The following BCAM variants were observed in gnomAD, a reference collection of about 807,000 sequenced individuals.
BCAM encodes the protein basal cell adhesion molecule (Lutheran blood group).
Under a neutral mutation model 72.4 loss-of-function variants are expected in BCAM, and 61 were observed. The ratio of observed to expected loss-of-function variants is 0.84; its 90% CI spans 0.69 to 1.04. BCAM has a LOEUF of 1.04. BCAM is among the 50% of genes least tolerant of loss of function. The probability of loss-of-function intolerance (pLI) is 0.00; values close to 1 mark genes in which losing one functional copy is unlikely to be tolerated. For synonymous variants in BCAM, 408 were observed against 384.2 expected, an observed-to-expected ratio of 1.06 and a Z score of -0.73; for missense variants, 909 against 895.0, an observed-to-expected ratio of 1.02 and a Z score of -0.20.
chr19:44,813,730 C>T lies in BCAM; in HGVS notation c.784+110C>T. 3 of 1,410,900 alleles carry T rather than the reference C, an allele frequency of 2.1e-6. No individual in the cohort carries two copies. Among genetic ancestry groups the T allele is most frequent in the Non-Finnish European group, 2.8e-6 (3 of 1,054,834 alleles). The allele number at this position is 1,410,900 out of a possible 1,614,324, so 87.4% of individuals were successfully genotyped here. A position where few individuals can be genotyped will look rare whatever the true frequency, so the allele number is the denominator to read the frequency against. On this transcript the variant is annotated intron_variant, in intron 6 of 14. Transcript: ENST00000270233. The surrounding 1 kb of genome is among the most constrained non-coding windows in gnomAD (Gnocchi z 4.2). The stretch of plus-strand genomic sequence containing the variant: ...CCTCTGACCCTCTGCCTCCCTACTT[C>T]ATGCTAAAAAAAAATGTGCTAGTGC...
chr19:44,809,717 A>G (rs1478473972), intron 1 of BCAM, among the ~76,000 whole-genome samples: 1 of 152,124 alleles, frequency 6.6e-6, no homozygotes, highest in Non-Finnish European at 1.5e-5. Flanking sequence ...AGTCCAGTAT[A>G]AAGAACCCGC....
rs534372821 is a variant in BCAM at position 44,820,990 on chromosome 19, G to A, written c.*69G>A. On this transcript the variant is annotated 3_prime_UTR_variant, in exon 15 of 15. Coordinates refer to ENST00000270233, the MANE Select transcript of BCAM (RefSeq NM_005581.5). ...GCATCAGAGAACCAGCCCTGCTCAC[G>A]CCATGCCCGCCCCCGCCTTCCCTCT... The A allele has an allele frequency of 1.8e-5, 27 of 1,465,906 alleles. No individual in the cohort carries two copies. The highest frequency in any genetic ancestry group is 5.1e-5 in the Admixed American group (2 of 39,368). The allele number at this position is 1,465,906 out of a possible 1,614,324, so 90.8% of individuals were successfully genotyped here.
chr19:44,811,456 G>C, intron 2 of BCAM, 110 bp downstream of exon 2: 2 of 1,544,002 alleles, frequency 1.3e-6, no homozygotes, highest in Non-Finnish European at 1.8e-6. Flanking sequence ...CACACTCCTT[G>C]TTACAGATGG....
chr19:44,819,003 TTCTCTC>T, intron 10 of BCAM, 47 bp from the exon 11 acceptor site: 7 of 1,597,364 alleles, frequency 4.4e-6, no homozygotes, highest in Non-Finnish European at 6.0e-6. Context: ...GATGCCTCTC[TTCTCTC>T]TCTCTCTCCT....
At chr19:44,811,144 G>C in intron 1 of BCAM, 81 bp from the exon 2 acceptor site, 1 of 1,599,520 alleles carries the variant, frequency 6.3e-7, no homozygotes, top group Non-Finnish European at 8.5e-7. Context: ...CTGGACGCTT[G>C]TGTCCTGGGG....
chr19:44,813,654 A>G lies in BCAM; in HGVS notation c.784+34A>G, dbSNP rs1442920036. On this transcript the variant is annotated intron_variant, in intron 6 of 14. Coordinates refer to ENST00000270233, the MANE Select transcript of BCAM (RefSeq NM_005581.5). The surrounding 1 kb of genome is among the most constrained non-coding windows in gnomAD (Gnocchi z 4.2). ...GTGCTGGCCTTTGACCTCTGACCTC[A>G]GGCTCCACACCTCATGAGGCCTGAC... The G allele has an allele frequency of 1.3e-6, 2 of 1,598,698 alleles. No individual in the cohort carries two copies. Among genetic ancestry groups the G allele is most frequent in the African/African-American group, 1.3e-5 (1 of 74,786 alleles).
rs1408804373 is a variant in BCAM at position 44,814,039 on chromosome 19, T to A, written c.785-113T>A. On this transcript the variant is annotated intron_variant, in intron 6 of 14. Transcript: ENST00000270233. This position sits in a 1 kb window ranked among gnomAD's most constrained non-coding sequence, Gnocchi z 4.6. ...CCTGAGGCTTGAAACCTATGACCCGTAACCTTTGACCCGCCATAGCCCTCA... is the reference window on the plus strand; with the variant it reads ...CCTGAGGCTTGAAACCTATGACCCGAAACCTTTGACCCGCCATAGCCCTCA... 7.4e-7 allele frequency: 1 copy of A among 1,342,892 alleles called. No homozygotes were observed. The highest frequency in any genetic ancestry group is 2.4e-5 in the East Asian group (1 of 41,404). The allele number at this position is 1,342,892 out of a possible 1,614,324, so 83.2% of individuals were successfully genotyped here.
rs1207051227 is a variant in BCAM at position 44,812,949 on chromosome 19, CAAAAA to C, written c.505-288_505-284del. 171 of 195,818 alleles carry C rather than the reference CAAAAA, an allele frequency of 8.7e-4. No individual in the cohort carries two copies. Among genetic ancestry groups the C allele is most frequent in the Middle Eastern group, 1.4e-3 (1 of 710 alleles). 12.1% of individuals were successfully genotyped at this position (195,818 alleles called of 1,614,324 possible). A position where few individuals can be genotyped will look rare whatever the true frequency, so the allele number is the denominator to read the frequency against. On this transcript the variant is annotated intron_variant, in intron 4 of 14. Coordinates refer to ENST00000270233, the MANE Select transcript of BCAM (RefSeq NM_005581.5). The surrounding 1 kb of genome is among the most constrained non-coding windows in gnomAD (Gnocchi z 5.3). ...TGGGCCACAGAGCAATACTCCGTCT[CAAAAA>C]AAAAAAAAAAAAGAAGAAGAAAAGA...
In BCAM at chr19:44,819,422, G is replaced by T. The variant is rs539905238; in HGVS notation, c.1550G>T (p.Arg517Leu). The change falls in exon 12 of 15, where the codon CGC becomes CTC. Residue 517 changes from arginine (R) to leucine (L), a missense_variant. Arg to Leu is a moderately radical substitution (Grantham distance 102). Coordinates refer to ENST00000270233, the MANE Select transcript of BCAM (RefSeq NM_005581.5). ...CTGAAAGTGACCAGCGCCCTGAGCC[G>T]CGATGGCATCTCCTGTGAAGCCTCC... Reference protein sequence around the residue: ...LTLKVTSALSRDGISCEASNP... With the variant: ...LTLKVTSALSLDGISCEASNP... The T allele has an allele frequency of 3.8e-5, 62 of 1,613,952 alleles. No individual in the cohort carries two copies. The highest frequency in any genetic ancestry group is 1.6e-4 in the Middle Eastern group (1 of 6,080).
chr19:44,821,341 G>A lies in BCAM; in HGVS notation c.*420G>A, dbSNP rs1389654609. On this transcript the variant is annotated 3_prime_UTR_variant, in exon 15 of 15. Coordinates refer to ENST00000270233, the MANE Select transcript of BCAM (RefSeq NM_005581.5). ...TCACCCCGCCCCTGGTCCCACTCCT[G>A]CCCCCGCCCTACCTCCGCCCCACCC... 5.2e-5 allele frequency: 5 copies of A among 95,704 alleles called. No homozygotes were observed. The East Asian group carries it at 1.1e-3, about 21-fold the overall frequency. The allele number at this position is 95,704 out of a possible 1,614,324, so 5.9% of individuals were successfully genotyped here. A position where few individuals can be genotyped will look rare whatever the true frequency, so the allele number is the denominator to read the frequency against.
chr19:44,811,963 T>C lies in BCAM; in HGVS notation c.205-200T>C, dbSNP rs1486519373. The stretch of plus-strand genomic sequence containing the variant: ...GAGAAGGGATGGGACCGGAATGAGA[T>C]GGAGAAAAGGAGACAGGAAAAATCA... On this transcript the variant is annotated intron_variant, in intron 2 of 14. Coordinates refer to ENST00000270233, the MANE Select transcript of BCAM (RefSeq NM_005581.5). 1.1e-4 allele frequency: 64 copies of C among 600,060 alleles called. 1 individual carries two copies. The South Asian group carries it at 1.2e-3, about 12-fold the overall frequency. 37.2% of individuals were successfully genotyped at this position (600,060 alleles called of 1,614,324 possible).
rs374346353 is a variant in BCAM, at chr19:44,820,686, C to T, written c.1764-19C>T. ...GCACCTCCAACACGACGCCTCCGCC[C>T]GCTGCCTCCTCCCCCCAGGCCGCCA... On this transcript the variant is annotated intron_variant, in intron 13 of 14. Coordinates refer to ENST00000270233, the MANE Select transcript of BCAM (RefSeq NM_005581.5). The T allele has an allele frequency of 7.1e-5, 99 of 1,403,466 alleles. 2 individuals are homozygous for T. The highest frequency in any genetic ancestry group is 5.2e-4 in the Admixed American group (17 of 32,410). 86.9% of individuals were successfully genotyped at this position (1,403,466 alleles called of 1,614,324 possible).
rs765776738 is a variant in BCAM, at chr19:44,809,249, C to T, written c.82+43C>T. ...GGCAAGGTGGGACTGGGGAGAGGCC[C>T]CTGGGGACCCCGGGAAAGCGAGGAG... On this transcript the variant is annotated intron_variant, in intron 1 of 14. Transcript: ENST00000270233. 5.9e-6 allele frequency: 8 copies of T among 1,365,256 alleles called. No individual in the cohort carries two copies. The South Asian group carries it at 8.1e-5, about 14-fold the overall frequency. 84.6% of individuals were successfully genotyped at this position (1,365,256 alleles called of 1,614,324 possible).
chr19:44,814,089 G>A lies in BCAM; in HGVS notation c.785-63G>A, dbSNP rs764038497. 3.2e-5 allele frequency: 49 copies of A among 1,511,814 alleles called. No individual in the cohort carries two copies. Among genetic ancestry groups the A allele is most frequent in the Non-Finnish European group, 3.9e-5 (44 of 1,137,386 alleles). 93.6% of individuals were successfully genotyped at this position (1,511,814 alleles called of 1,614,324 possible). A position where few individuals can be genotyped will look rare whatever the true frequency, so the allele number is the denominator to read the frequency against. On this transcript the variant is annotated intron_variant, in intron 6 of 14. Coordinates refer to ENST00000270233, the MANE Select transcript of BCAM (RefSeq NM_005581.5). The surrounding 1 kb of genome is among the most constrained non-coding windows in gnomAD (Gnocchi z 4.6). ...ACCTGGGATGCAGGGCTGACCTCTC[G>A]CCTGTCCTCTAGCCTTGACCCTTCC...
At chr19:44,811,713 C>T (rs192327026) in intron 2 of BCAM, 19 of 288,238 alleles carry the variant, frequency 6.6e-5, no homozygotes, top group Admixed American at 6.5e-4. Flanking sequence ...GGTGAAACCC[C>T]GTCTCTACTA....
rs1179504856 is a variant in BCAM at position 44,813,000 on chromosome 19, G to C, written c.505-250G>C. 1 of 521,874 alleles carries C rather than the reference G, an allele frequency of 1.9e-6. No individual in the cohort carries two copies. Among genetic ancestry groups the C allele is most frequent in the African/African-American group, 2.0e-5 (1 of 50,724 alleles). 32.3% of individuals were successfully genotyped at this position (521,874 alleles called of 1,614,324 possible). ...AAAGAAAAAAGAAAGGAAGGGCAGA[G>C]GGGGAAGACTCCTGTGTCCTAGGAA... is the stretch of plus-strand genomic sequence containing the variant. On this transcript the variant is annotated intron_variant, in intron 4 of 14. Transcript: ENST00000270233. The surrounding 1 kb of genome is among the most constrained non-coding windows in gnomAD (Gnocchi z 5.3).
rs576113294 is a variant in BCAM, at chr19:44,819,652, C to T, written c.1689C>T (p.Leu563=). The change falls in exon 13 of 15, where the codon CTC becomes CTT. Residue 563 remains leucine (L), a synonymous_variant. Transcript: ENST00000270233. ...CCGTCAGCGTGGGCCTCCTGCTCCTCGTCGTTGCTGTCTTCTACTGCGTGA... is the reference window on the plus strand; with the variant it reads ...CCGTCAGCGTGGGCCTCCTGCTCCTTGTCGTTGCTGTCTTCTACTGCGTGA... ...AVAVSVGLLL[L]VVAVFYCVRR... The T allele has an allele frequency of 2.5e-5, 40 of 1,613,572 alleles. No individual in the cohort carries two copies. Among genetic ancestry groups the T allele is most frequent in the South Asian group, 1.8e-4 (16 of 91,052 alleles).
Position 44,818,836 on chromosome 19 carries a change from A to G in BCAM, c.1290A>G (p.Thr430=). The G allele has an allele frequency of 1.2e-6, 2 of 1,614,114 alleles. No individual in the cohort carries two copies. Among genetic ancestry groups the G allele is most frequent in the South Asian group, 1.1e-5 (1 of 91,086 alleles). The change falls in exon 10 of 15, where the codon ACA becomes ACG. Residue 430 remains threonine, a synonymous_variant. Coordinates refer to ENST00000270233, the MANE Select transcript of BCAM (RefSeq NM_005581.5). This position sits in a 1 kb window ranked among gnomAD's most constrained non-coding sequence, Gnocchi z 4.6. ...ACGTATGTGAGGCCTCCCTGCCCACAGTCCCGGTCCTCAGCCGCACCCAGA... is the reference window on the plus strand; with the variant it reads ...ACGTATGTGAGGCCTCCCTGCCCACGGTCCCGGTCCTCAGCCGCACCCAGA... ...GTYVCEASLP[T]VPVLSRTQNF... is the part of the protein sequence containing the mutation.
At chr19:44,819,783 AC>A in intron 13 of BCAM, 57 bp downstream of exon 13, 1 of 1,503,010 alleles carries the variant, frequency 6.7e-7, no homozygotes, top group Non-Finnish European at 8.9e-7. Context: ...CCCACCCTCA[AC>A]CCCAAGCTCA....
Sources: gnomAD v4.1 joint callset for allele counts (sites outside exome capture counted in the v4.1 genomes callset) on GRCh38, gnomAD v4.1.1 for gene constraint, Gnocchi (gnomAD v3.1) non-coding constraint, MANE v1.5 for transcripts, NCBI Gene and HGNC (gene_info 2026-07-23, HGNC 2026-07-21) for gene names.